NPM2: variants seen among roughly 807,000 people sequenced by gnomAD.
NPM2 encodes the protein nucleophosmin/nucleoplasmin 2.
In NPM2, 25 loss-of-function variants were observed where a neutral mutation model predicts 32.0. The ratio of observed to expected loss-of-function variants is 0.78; its 90% confidence interval spans 0.57 to 1.09. The LOEUF (loss-of-function observed/expected upper bound fraction) is 1.09. Ranked by LOEUF, NPM2 falls within the 50% of genes least tolerant of loss-of-function variation. NPM2 has a pLI of 0.00. For synonymous variants in NPM2, 111 were observed against 94.2 expected (o/e 1.18, Z -1.04); for missense variants, 282 against 259.9 (o/e 1.08, Z -0.58).
At chr8:22,034,446 G>A (rs1800550882) in intron 7 of NPM2, 64 bp from the exon 8 acceptor site, 2 of 1,491,452 alleles carry the variant, frequency 1.3e-6, no homozygotes, top group African/African-American at 1.4e-5. Context: ...TGTGGACTTT[G>A]GGAATCTGTT....
intron 5 of NPM2, among the ~76,000 whole-genome samples, chr8:22,027,894 A>T (rs1208908065): frequency 2.6e-5 from 4 of 152,148 alleles, no homozygotes; most frequent in Non-Finnish European, 4.4e-5. Flanking sequence ...GGCATGAGCC[A>T]CCACACCCAG....
chr8:22,025,380 G>C, intron 3 of NPM2, 56 bp from the exon 4 acceptor site: 1 of 1,605,478 alleles, frequency 6.2e-7, no homozygotes, highest in Non-Finnish European at 8.5e-7. Flanking sequence ...GCGCAGGTGA[G>C]CCCCTCCTTT....
chr8:22,025,371 C>T, intron 3 of NPM2, 65 bp downstream of exon 3: 2 of 1,601,420 alleles, frequency 1.2e-6, no homozygotes, highest in South Asian at 1.1e-5. Flanking sequence ...CAGCTTGGGG[C>T]GCAGGTGAGC....
At chr8:22,026,247 C>G (rs1295724804) in intron 5 of NPM2, among the ~76,000 whole-genome samples, 1 of 152,076 alleles carries the variant, frequency 6.6e-6, no homozygotes, top group African/African-American at 2.4e-5. Context: ...AACCACCCCC[C>G]ACTCCCACCC....
intron 5 of NPM2, among the ~76,000 whole-genome samples, chr8:22,030,442 G>A (rs1800400357): frequency 6.6e-6 from 1 of 151,828 alleles, no homozygotes; most frequent in Non-Finnish European, 1.5e-5. Context: ...GTCTCACTAT[G>A]TTATCCAGGC....
At chr8:22,032,814 C>T (rs1221564077) in intron 5 of NPM2, among the ~76,000 whole-genome samples, 2 of 152,146 alleles carry the variant, frequency 1.3e-5, no homozygotes, top group Non-Finnish European at 2.9e-5. Context: ...CCAAGGCCTG[C>T]ATTTCTAAAT....
chr8:22,031,762 T>G (rs1800450115), intron 5 of NPM2, among the ~76,000 whole-genome samples: 1 of 152,208 alleles, frequency 6.6e-6, no homozygotes, highest in Non-Finnish European at 1.5e-5. Flanking sequence ...TGTGTGAGTT[T>G]TGAAGCAAAA....
At chr8:22,025,046 G>T in intron 2 of NPM2, 170 bp from the exon 3 acceptor site, 1 of 572,396 alleles carries the variant, frequency 1.7e-6, no homozygotes, top group Non-Finnish European at 3.0e-6. Flanking sequence ...CACCCCGCTA[G>T]GAGGTGGGTA....
rs759186069 is a variant in NPM2, at chr8:22,034,288, G to A, written c.531+13G>A. The stretch of plus-strand genomic sequence containing the variant: ...GAGCGTGGCTAAGGTGGGGGAAGGA[G>A]CGTGGCTGTTTGGAAGGAAGTGGTA... On this transcript the variant is annotated intron_variant, in intron 7 of 9. Transcript: ENST00000518119. 8.9e-6 allele frequency: 14 copies of A among 1,570,446 alleles called. No homozygotes were observed. Among genetic ancestry groups the A allele is most frequent in the East Asian group, 4.5e-5 (2 of 44,558 alleles).
chr8:22,032,285 A>G (rs1382297822), intron 5 of NPM2, among the ~76,000 whole-genome samples: 1 of 152,260 alleles, frequency 6.6e-6, no homozygotes, highest in Non-Finnish European at 1.5e-5. Flanking sequence ...GCACTTTAAT[A>G]TATTTTAAAC....
intron 5 of NPM2, among the ~76,000 whole-genome samples, chr8:22,031,638 G>T (rs948191637): frequency 6.6e-6 from 1 of 152,154 alleles, no homozygotes; most frequent in Non-Finnish European, 1.5e-5. Context: ...TAGAAACAGG[G>T]TTTCACCATG....
chr8:22,035,303 T>C (rs1800583540), intron 8 of NPM2, among the ~76,000 whole-genome samples: 1 of 152,194 alleles, frequency 6.6e-6, no homozygotes, highest in Non-Finnish European at 1.5e-5. Flanking sequence ...AGACAGGGTT[T>C]TGCTCTGCCA....
At chr8:22,030,283 G>T (rs1800394945) in intron 5 of NPM2, among the ~76,000 whole-genome samples, 1 of 152,048 alleles carries the variant, frequency 6.6e-6, no homozygotes, top group Non-Finnish European at 1.5e-5. Flanking sequence ...CTGTTGCCTA[G>T]GTTGGAGTGC....
chr8:22,029,923 G>A (rs894226217), intron 5 of NPM2, among the ~76,000 whole-genome samples: 7 of 152,118 alleles, frequency 4.6e-5, no homozygotes, highest in African/African-American at 1.7e-4. Flanking sequence ...ACCATGATGT[G>A]TTCAGGTGTA....
chr8:22,031,266 A>G (rs1299869578), intron 5 of NPM2, among the ~76,000 whole-genome samples: 1 of 151,730 alleles, frequency 6.6e-6, no homozygotes, highest in Non-Finnish European at 1.5e-5. Flanking sequence ...TTTGTTTTTC[A>G]TTTTTGAGGA....
intron 8 of NPM2, among the ~76,000 whole-genome samples, chr8:22,035,874 A>C (rs1275629405): frequency 1.3e-5 from 2 of 151,718 alleles, no homozygotes; most frequent in Non-Finnish European, 1.5e-5. Context: ...CGAAGGATGC[A>C]GTGAACCAAG....
intron 7 of NPM2, 42 bp from the exon 8 acceptor site, chr8:22,034,468 C>A (rs564976235): frequency 8.9e-6 from 14 of 1,578,920 alleles, no homozygotes; most frequent in East Asian, 4.5e-5. Context: ...TGGCTCTGGA[C>A]TTTGTCTGAA....
At position 22,034,119 on chromosome 8, in the gene NPM2, C is replaced by A. The variant is rs368252382; in HGVS notation, c.375C>A (p.Asp125Glu). Residue 125 changes from aspartate (D) to glutamate (E), a missense_variant, in exon 7 of 10, where the codon GAC becomes GAA. Transcript: ENST00000518119. ...CCCATGCTATTACAGAAGCATCAGA[C>A]CTAACCTGGGAGGAGGAGGAGGAAG... ...LSGQERYEASDLTWEEEEEEE... is the reference protein window; with the variant it reads ...LSGQERYEASELTWEEEEEEE... The A allele has an allele frequency of 6.3e-7, 1 of 1,597,934 alleles. No individual in the cohort carries two copies. Among genetic ancestry groups the A allele is most frequent in the African/African-American group, 1.3e-5 (1 of 74,654 alleles).
chr8:22,031,994 A>G (rs968240228), intron 5 of NPM2, among the ~76,000 whole-genome samples: 1 of 152,228 alleles, frequency 6.6e-6, no homozygotes. Context: ...CTGGCTGCAG[A>G]GTTTGTTTTC....
Sources: allele counts gnomAD v4.1 joint callset (sites outside exome capture counted in the v4.1 genomes callset), GRCh38; gene constraint gnomAD v4.1.1; transcripts MANE v1.5; gene names NCBI Gene and HGNC (gene_info 2026-07-23, HGNC 2026-07-21).